Variants in HCK observed in about 807,000 individuals in gnomAD.
The protein encoded by HCK is tyrosine-protein kinase HCK.
In HCK, 40 loss-of-function variants were observed where a neutral mutation model predicts 70.4. That is an observed-to-expected ratio of 0.57 (90% CI 0.44 to 0.74). The LOEUF (loss-of-function observed/expected upper bound fraction) is 0.74. Among genes scored for constraint, HCK ranks in the 30% least tolerant of loss-of-function variants. HCK has a pLI of 0.00. For synonymous variants in HCK, 245 were observed against 263.2 expected, an observed-to-expected ratio of 0.93 and a Z score of 0.67; for missense variants, 568 against 697.2, an observed-to-expected ratio of 0.81 and a Z score of 2.09.
chr20:32,069,838 C>G (rs1418125402), intron 1 of HCK: 1 of 945,640 alleles, frequency 1.1e-6, no homozygotes, highest in African/African-American at 1.8e-5. Flanking sequence ...TTTCCTTAAA[C>G]CACAAATACA....
chr20:32,066,176 C>T (rs2045454026), intron 1 of HCK, among the ~76,000 whole-genome samples: 1 of 152,076 alleles, frequency 6.6e-6, no homozygotes, highest in Non-Finnish European at 1.5e-5. Context: ...CACCTTCACC[C>T]CATCCCCTGT....
At chr20:32,094,695 AAAAGAAAAGAAAAGAAAG>A (rs1325715851) in intron 11 of HCK, among the ~76,000 whole-genome samples, 2 of 116,706 alleles carry the variant, frequency 1.7e-5, no homozygotes, top group Non-Finnish European at 3.4e-5. Flanking sequence ...AAAAGAAAAG[AAAAGAAAAGAAAAGAAAG>A]AAAGAAAGAA....
chr20:32,101,550 C>G lies in HCK; in HGVS notation c.*31C>G. 1 of 1,580,190 alleles carries G rather than the reference C, an allele frequency of 6.3e-7. No homozygotes were observed. Among genetic ancestry groups the G allele is most frequent in the Non-Finnish European group, 8.6e-7 (1 of 1,157,656 alleles). ...AGGACCAGGGCAGGGCCAGGGGGTG[C>G]CCAGGTGGTGGCTGCAAGGTGGCTC... On this transcript the variant is annotated 3_prime_UTR_variant, in exon 13 of 13. Coordinates refer to ENST00000375852, the MANE Select transcript of HCK (RefSeq NM_002110.5).
intron 5 of HCK, 21 bp from the exon 6 acceptor site, chr20:32,079,753 G>C: frequency 6.3e-7 from 1 of 1,577,250 alleles, no homozygotes; most frequent in Non-Finnish European, 8.7e-7. Flanking sequence ...GTTCACATTT[G>C]TCCCCTCCCT....
intron 10 of HCK, 101 bp from the exon 11 acceptor site, chr20:32,093,762 T>G: frequency 1.8e-6 from 2 of 1,123,714 alleles, no homozygotes; most frequent in Non-Finnish European, 2.5e-6. Context: ...GTGCAGACAT[T>G]TCGCATTTTC....
At chr20:32,067,648 T>G (rs1407257487) in intron 1 of HCK, among the ~76,000 whole-genome samples, 1 of 147,094 alleles carries the variant, frequency 6.8e-6, no homozygotes, top group African/African-American at 2.5e-5. Context: ...ATGACACTCC[T>G]ACTGTGTGCC....
intron 6 of HCK, among the ~76,000 whole-genome samples, chr20:32,080,569 C>T (rs1273375567): frequency 6.6e-6 from 1 of 152,234 alleles, no homozygotes; most frequent in Non-Finnish European, 1.5e-5. Flanking sequence ...TCTCAGCTCA[C>T]TGCAACTTCT....
intron 11 of HCK, 47 bp downstream of exon 11, chr20:32,094,063 G>A (rs764259434): frequency 6.3e-7 from 1 of 1,578,702 alleles, no homozygotes; most frequent in Non-Finnish European, 8.6e-7. Context: ...TTGGATGCTT[G>A]TGAGTGTTGA....
At chr20:32,092,351 T>C (rs1285790855) in intron 10 of HCK, among the ~76,000 whole-genome samples, 2 of 152,168 alleles carry the variant, frequency 1.3e-5, no homozygotes, top group African/African-American at 4.8e-5. Flanking sequence ...CATTCCTGCC[T>C]CAAAGAGCTC....
In HCK at chr20:32,066,200, C is replaced by T. The variant is rs562663984; in HGVS notation, c.63-5462C>T. Among the ~76,000 whole-genome samples the T allele has an allele frequency of 9.2e-5, 14 of 151,992 alleles. No individual in the cohort carries two copies. The South Asian group carries it at 2.5e-3, about 27-fold the overall frequency. ...CCCATCCCCTGTTCCCAAACTCACC[C>T]GAATAATATCAGCACCATCTGTTTG... On this transcript the variant is annotated intron_variant, in intron 1 of 12. Transcript: ENST00000375852.
chr20:32,057,462 T>G (rs2045290033), intron 1 of HCK, among the ~76,000 whole-genome samples: 2 of 152,062 alleles, frequency 1.3e-5, no homozygotes, highest in Non-Finnish European at 2.9e-5. Flanking sequence ...TAGCTGGGTG[T>G]GGTGGCACAT....
chr20:32,095,136 T>C (rs1280826246), intron 11 of HCK, among the ~76,000 whole-genome samples: 1 of 152,152 alleles, frequency 6.6e-6, no homozygotes, highest in Non-Finnish European at 1.5e-5. Context: ...GGCCATAAAA[T>C]GGAATGAAGT....
intron 3 of HCK, 61 bp from the exon 4 acceptor site, chr20:32,073,655 T>G: frequency 8.5e-7 from 1 of 1,178,194 alleles, no homozygotes; most frequent in Admixed American, 2.0e-5. Flanking sequence ...CGGGTGAGGG[T>G]CACCAAGGGC....
At chr20:32,080,748 G>A (rs2045698154) in intron 6 of HCK, among the ~76,000 whole-genome samples, 1 of 152,072 alleles carries the variant, frequency 6.6e-6, no homozygotes, top group Admixed American at 6.6e-5. Context: ...CTGGACTCAA[G>A]CAATCTGCCT....
intron 1 of HCK, among the ~76,000 whole-genome samples, chr20:32,062,951 C>T (rs552540034): frequency 6.6e-6 from 1 of 152,260 alleles, no homozygotes; most frequent in African/African-American, 2.4e-5. Flanking sequence ...GCCTTAAGCC[C>T]TGGGCCCCCA....
chr20:32,079,252 T>C (rs2045674122), intron 5 of HCK, among the ~76,000 whole-genome samples: 1 of 152,204 alleles, frequency 6.6e-6, no homozygotes, highest in African/African-American at 2.4e-5. Flanking sequence ...TTCAACTCCA[T>C]ATATGCGGAG....
chr20:32,101,436 G>A lies in HCK; in HGVS notation c.1498G>A (p.Glu500Lys), dbSNP rs1211037780. 1 of 1,614,174 alleles carries A rather than the reference G, an allele frequency of 6.2e-7. No homozygotes were observed. The highest frequency in any genetic ancestry group is 8.5e-7 in the Non-Finnish European group (1 of 1,180,018). Reference sequence around the variant, plus strand: ...GCGCTGCTGGAAAAACCGTCCGGAGGAGCGGCCGACCTTCGAATACATCCA... The same window carrying A: ...GCGCTGCTGGAAAAACCGTCCGGAGAAGCGGCCGACCTTCGAATACATCCA... The change falls in exon 13 of 13, where the codon GAG (glutamate) becomes AAG (lysine). Residue 500 changes from glutamate to lysine, a missense_variant. Glu to Lys is a moderately conservative substitution (Grantham distance 56). This residue lies in a region of HCK where 77 missense variants were observed against 85.0 expected (regional missense o/e 0.91). Coordinates refer to ENST00000375852, the MANE Select transcript of HCK (RefSeq NM_002110.5).
At position 32,101,349 on chromosome 20, in the gene HCK, G is replaced by A; in HGVS notation, c.1411G>A (p.Glu471Lys). 6.2e-7 allele frequency: 1 copy of A among 1,614,196 alleles called. No individual in the cohort carries two copies. Among genetic ancestry groups the A allele is most frequent in the Non-Finnish European group, 8.5e-7 (1 of 1,180,030 alleles). ...AAACCCTGAAGTGATCCGAGCTCTGGAGCGTGGATACCGGATGCCTCGCCC... is the reference window on the plus strand; with the variant it reads ...AAACCCTGAAGTGATCCGAGCTCTGAAGCGTGGATACCGGATGCCTCGCCC... Residue 471 changes from glutamate to lysine, a missense_variant, in exon 13 of 13, where the codon GAG becomes AAG. Coordinates refer to ENST00000375852, the MANE Select transcript of HCK (RefSeq NM_002110.5).
chr20:32,080,475 G>A (rs924211401), intron 6 of HCK, among the ~76,000 whole-genome samples: 2 of 152,034 alleles, frequency 1.3e-5, no homozygotes, highest in African/African-American at 4.8e-5. Context: ...GAGATTACAG[G>A]CGTGAGCCAC....
Sources: allele counts gnomAD v4.1 joint callset (sites outside exome capture counted in the v4.1 genomes callset), GRCh38; gene constraint gnomAD v4.1.1; regional missense constraint gnomAD v4.1.1; transcripts MANE v1.5; gene names NCBI Gene and HGNC (gene_info 2026-07-23, HGNC 2026-07-21).